The following MMP26 variants were observed in gnomAD, a reference collection of about 807,000 sequenced individuals.
The protein encoded by MMP26 is matrix metalloproteinase-26.
MMP26 carries 33 observed loss-of-function variants against 31.0 expected under a neutral mutation model. The observed-to-expected ratio is 1.06, with a 90% confidence interval of 0.81 to 1.42. MMP26 has a LOEUF of 1.42. MMP26 is among the 40% of genes most tolerant of loss of function. The probability of loss-of-function intolerance (pLI) is 0.00; values close to 1 mark genes in which losing one functional copy is unlikely to be tolerated. For missense variants in MMP26, 347 were observed against 316.1 expected (o/e 1.10, Z -0.74); for synonymous variants, 122 against 114.9 (o/e 1.06, Z -0.40).
intron 1 of MMP26, among the ~76,000 whole-genome samples, chr11:4,757,660 A>G (rs1462274150): frequency 6.6e-6 from 1 of 152,020 alleles, no homozygotes; most frequent in Non-Finnish European, 1.5e-5. Flanking sequence ...TATCACCAAA[A>G]CATATATAAA....
At chr11:4,710,821 G>A (rs1847853346) in intron 1 of MMP26, 1 of 189,484 alleles carries the variant, frequency 5.3e-6, no homozygotes, top group African/African-American at 2.3e-5. Flanking sequence ...ACCACCTCTA[G>A]AGCATGTAGC....
At chr11:4,881,794 C>G (rs971086910) in intron 2 of MMP26, 1 of 1,032,612 alleles carries the variant, frequency 9.7e-7, no homozygotes, top group Non-Finnish European at 1.4e-6. Context: ...AAAATAACTA[C>G]CTTAAATTTA....
intron 2 of MMP26, among the ~76,000 whole-genome samples, chr11:4,827,909 G>A (rs1399666507): frequency 1.3e-5 from 2 of 151,026 alleles, no homozygotes; most frequent in Non-Finnish European, 2.9e-5. Flanking sequence ...TTGACCTGGT[G>A]ACCCTGTAGC....
At chr11:4,752,265 A>G (rs1242379786) in intron 1 of MMP26, 1 of 152,252 alleles carries the variant, frequency 6.6e-6, no homozygotes, top group Non-Finnish European at 1.5e-5. Context: ...GCAGGTGCTG[A>G]AGGCCTTCTT....
chr11:4,936,314 A>G (rs1033645100), intron 2 of MMP26, among the ~76,000 whole-genome samples: 6 of 151,064 alleles, frequency 4.0e-5, no homozygotes, highest in African/African-American at 1.5e-4. Context: ...GGGAGAGTGT[A>G]TGTGTCGAGG....
At chr11:4,840,350 G>A (rs892277606) in intron 2 of MMP26, among the ~76,000 whole-genome samples, 1 of 152,176 alleles carries the variant, frequency 6.6e-6, no homozygotes, top group Non-Finnish European at 1.5e-5. Context: ...GCCAGGAAGT[G>A]GTTACAGCAG....
intron 2 of MMP26, among the ~76,000 whole-genome samples, chr11:4,816,870 A>AT (rs11443728): frequency 0.62 from 89,630 of 144,036 alleles, 28,658 homozygotes; most frequent in Middle Eastern, 0.76. Context: ...CGCCCGGCTA[A>AT]TTTTTTTTTT....
chr11:4,869,261 A>G (rs971449409), intron 2 of MMP26, among the ~76,000 whole-genome samples: 1 of 152,204 alleles, frequency 6.6e-6, no homozygotes, highest in Non-Finnish European at 1.5e-5. Flanking sequence ...AAAAGAAACT[A>G]CCATCAGACT....
intron 2 of MMP26, among the ~76,000 whole-genome samples, chr11:4,958,848 A>G (rs1423552877): frequency 6.6e-6 from 1 of 152,168 alleles, no homozygotes; most frequent in Non-Finnish European, 1.5e-5. Flanking sequence ...TTAGTAATAA[A>G]CATACCCACA....
chr11:4,879,494 T>C (rs1198880555), intron 2 of MMP26, among the ~76,000 whole-genome samples: 7 of 152,140 alleles, frequency 4.6e-5, no homozygotes, highest in African/African-American at 1.7e-4. Context: ...AAATAAGACT[T>C]ATTTCAAAAT....
At chr11:4,974,157 G>A (rs1331642971) in intron 2 of MMP26, among the ~76,000 whole-genome samples, 1 of 151,738 alleles carries the variant, frequency 6.6e-6, no homozygotes. Context: ...TCCTATACAA[G>A]GACTACTGAT....
At chr11:4,709,056 A>G (rs56029433) in intron 1 of MMP26, among the ~76,000 whole-genome samples, 34,684 of 152,074 alleles carry the variant, frequency 0.23, 4,845 homozygotes, top group East Asian at 0.32. Context: ...GGAGTATTTT[A>G]CTAGAAAATG....
At position 4,930,258 on chromosome 11, in the gene MMP26, G is replaced by A. The variant is rs78200423; in HGVS notation, c.-144-57810G>A. On this transcript the variant is annotated intron_variant, in intron 2 of 7. Coordinates refer to ENST00000380390, the MANE Select transcript of MMP26 (RefSeq NM_021801.5). Reference sequence around the variant, plus strand: ...ATCAGTCTAATTTGGTGTAATAGACGTAAAGATGTGCTTCTCAGATCCCAC... The same window carrying A: ...ATCAGTCTAATTTGGTGTAATAGACATAAAGATGTGCTTCTCAGATCCCAC... 4.9e-3 allele frequency among the ~76,000 whole-genome samples: 743 copies of A among 152,152 alleles called. 8 individuals carry two copies. Among genetic ancestry groups the A allele is most frequent in the African/African-American group, 0.017 (703 of 41,524 alleles).
At chr11:4,848,207 T>C (rs902918396) in intron 2 of MMP26, 2 of 1,570,446 alleles carry the variant, frequency 1.3e-6, no homozygotes. Context: ...TCAGGAGCCC[T>C]GTACCACCAA....
rs144317015 is a variant in MMP26 at position 4,825,283 on chromosome 11, C to A, written c.-145+57942C>A. On this transcript the variant is annotated intron_variant, in intron 2 of 7. Coordinates refer to ENST00000380390, the MANE Select transcript of MMP26 (RefSeq NM_021801.5). ...AACATTCCAGGAATGAGGATCTCAT[C>A]ATTTTCCCATTACTGTATTTCTAGT... Among the ~76,000 whole-genome samples the A allele has an allele frequency of 1.1e-4, 17 of 152,274 alleles. No individual in the cohort carries two copies. The East Asian group carries it at 3.1e-3, about 28-fold the overall frequency.
intron 1 of MMP26, chr11:4,723,116 T>A: frequency 6.4e-7 from 1 of 1,572,420 alleles, no homozygotes; most frequent in Non-Finnish European, 8.7e-7. Context: ...CAGGGCGGCC[T>A]CCAGCTCGGA....
chr11:4,892,784 A>T (rs1043577062), intron 2 of MMP26, among the ~76,000 whole-genome samples: 1 of 152,156 alleles, frequency 6.6e-6, no homozygotes, highest in Non-Finnish European at 1.5e-5. Flanking sequence ...TCACTTCCCT[A>T]TAGCCCAGAG....
intron 2 of MMP26, among the ~76,000 whole-genome samples, chr11:4,917,150 T>A (rs1249220334): frequency 1.7e-5 from 1 of 59,062 alleles, no homozygotes; most frequent in East Asian, 1.3e-3. Context: ...ATGCCAAGAA[T>A]GTTTTTTTGC....
chr11:4,770,266 T>C (rs2133421655), intron 2 of MMP26, among the ~76,000 whole-genome samples: 2 of 152,306 alleles, frequency 1.3e-5, no homozygotes, highest in East Asian at 3.9e-4. Flanking sequence ...AAAAAATAAG[T>C]ATCCTCAATT....
Sources: allele counts gnomAD v4.1 joint callset (sites outside exome capture counted in the v4.1 genomes callset), GRCh38; gene constraint gnomAD v4.1.1; transcripts MANE v1.5; gene names NCBI Gene and HGNC (gene_info 2026-07-23, HGNC 2026-07-21).